SND1: variants seen among roughly 807,000 people sequenced by gnomAD.
SND1 encodes the protein staphylococcal nuclease domain-containing protein 1.
A neutral mutation model predicts 121.7 loss-of-function variants in SND1; 38 were observed. The ratio of observed to expected loss-of-function variants is 0.31; its 90% CI spans 0.24 to 0.41. The LOEUF (loss-of-function observed/expected upper bound fraction) is 0.41. Among genes scored for constraint, SND1 ranks in the 10% least tolerant of loss-of-function variants. The pLI is 1.00. For missense variants in SND1, 868 were observed against 1,184.6 expected (o/e 0.73, Z 3.92); for synonymous variants, 401 against 447.4 (o/e 0.90, Z 1.31).
At chr7:128,050,589 A>G (rs1184790381) in intron 16 of SND1, among the ~76,000 whole-genome samples, 2 of 152,192 alleles carry the variant, frequency 1.3e-5, no homozygotes, top group Non-Finnish European at 2.9e-5. Context: ...CAATTTTGCC[A>G]TTGGAGCAAT....
chr7:127,675,837 G>A (rs1306463705), intron 1 of SND1, among the ~76,000 whole-genome samples: 2 of 152,128 alleles, frequency 1.3e-5, no homozygotes, highest in East Asian at 1.9e-4. Context: ...TGCTATGTGC[G>A]GTTAGTTCTT....
rs77769547 is a variant in SND1, at chr7:127,929,139, G to A, written c.1528-49G>A. 7,862 of 1,593,466 alleles carry A rather than the reference G, an allele frequency of 4.9e-3. 38 individuals carry two copies. Among genetic ancestry groups the A allele is most frequent in the African/African-American group, 0.027 (1,969 of 74,188 alleles). On this transcript the variant is annotated intron_variant, in intron 14 of 23. Transcript: ENST00000354725. ...TGTCCTAGACTATAAAGAAAGAAACGTTGGGTTTTATTACTTTCCAGTTAC... is the reference window on the plus strand; with the variant it reads ...TGTCCTAGACTATAAAGAAAGAAACATTGGGTTTTATTACTTTCCAGTTAC...
At chr7:127,915,301 A>C (rs894894197) in intron 14 of SND1, among the ~76,000 whole-genome samples, 1 of 152,196 alleles carries the variant, frequency 6.6e-6, no homozygotes, top group African/African-American at 2.4e-5. Flanking sequence ...ATTGCTTAGC[A>C]GTCTGCCTAG....
chr7:128,072,999 G>A (rs946510213), intron 16 of SND1, among the ~76,000 whole-genome samples: 5 of 152,184 alleles, frequency 3.3e-5, no homozygotes, highest in African/African-American at 1.2e-4. Context: ...CAGCACTTAC[G>A]CCCAGACTCT....
chr7:127,777,071 C>G (rs1323699425), intron 10 of SND1, among the ~76,000 whole-genome samples: 1 of 152,182 alleles, frequency 6.6e-6, no homozygotes, highest in Admixed American at 6.5e-5. Flanking sequence ...CCTTTTCATC[C>G]TCAGTCACAA....
chr7:127,777,741 G>C (rs2116511968), intron 10 of SND1, among the ~76,000 whole-genome samples: 1 of 152,284 alleles, frequency 6.6e-6, no homozygotes, highest in East Asian at 1.9e-4. Context: ...GGGTCTCCCT[G>C]TTTGGACCAA....
At position 128,074,705 on chromosome 7, in the gene SND1, C is replaced by A. The variant is rs373677979; in HGVS notation, c.1968+15C>A. On this transcript the variant is annotated intron_variant, in intron 17 of 23. Transcript: ENST00000354725. ...AGAAAGAGAAGGTACATGTGGCAGC[C>A]CAGCTGTGCTCTCCCTGCCCTCCCG... 1.3e-6 allele frequency: 2 copies of A among 1,597,042 alleles called. No homozygotes were observed. The highest frequency in any genetic ancestry group is 1.7e-5 in the Admixed American group (1 of 58,178).
intron 16 of SND1, among the ~76,000 whole-genome samples, chr7:128,016,082 T>G (rs1310636501): frequency 6.6e-6 from 1 of 152,060 alleles, no homozygotes; most frequent in Non-Finnish European, 1.5e-5. Context: ...ATTTTAAGGC[T>G]TTTTCTCCCT....
chr7:127,790,295 A>T (rs1797884804), intron 10 of SND1, among the ~76,000 whole-genome samples: 1 of 151,892 alleles, frequency 6.6e-6, no homozygotes, highest in Admixed American at 6.6e-5. Context: ...TGTGTGGGGG[A>T]TGCTTAGGCT....
intron 21 of SND1, 151 bp downstream of exon 21, chr7:128,087,202 C>G: frequency 1.5e-6 from 1 of 649,122 alleles, no homozygotes; most frequent in South Asian, 1.9e-5. Context: ...AAGATGCCAC[C>G]GAGGAGGTAG....
intron 17 of SND1, among the ~76,000 whole-genome samples, chr7:128,075,583 C>T (rs1246201451): frequency 6.6e-6 from 1 of 152,252 alleles, no homozygotes; most frequent in Non-Finnish European, 1.5e-5. Flanking sequence ...CTCTTGTCCC[C>T]TTGGGACTGT....
At chr7:128,058,579 C>T (rs1793179980) in intron 16 of SND1, among the ~76,000 whole-genome samples, 1 of 152,208 alleles carries the variant, frequency 6.6e-6, no homozygotes, top group Admixed American at 6.5e-5. Flanking sequence ...GGACCAGGCA[C>T]AAAGCATTTT....
chr7:127,884,862 A>G (rs948909405), intron 12 of SND1, among the ~76,000 whole-genome samples: 2 of 152,056 alleles, frequency 1.3e-5, no homozygotes, highest in African/African-American at 4.8e-5. Flanking sequence ...CTTCCTTTCC[A>G]TATTTGTATA....
intron 12 of SND1, among the ~76,000 whole-genome samples, chr7:127,870,135 G>T (rs532724710): frequency 3.9e-5 from 6 of 152,108 alleles, no homozygotes; most frequent in Non-Finnish European, 8.8e-5. Context: ...CCTATAAAAT[G>T]AAGAAGAAAT....
intron 10 of SND1, among the ~76,000 whole-genome samples, chr7:127,797,189 G>C (rs944639525): frequency 6.6e-6 from 1 of 152,044 alleles, no homozygotes; most frequent in Non-Finnish European, 1.5e-5. Context: ...CGCTGTGCCC[G>C]GGCTATTTTG....
intron 12 of SND1, among the ~76,000 whole-genome samples, chr7:127,855,512 G>GTT (rs374350316): frequency 2.9e-4 from 44 of 151,442 alleles, no homozygotes; most frequent in South Asian, 6.3e-4. Flanking sequence ...AGTTTTTTTT[G>GTT]TTTTTTTGAT....
intron 11 of SND1, among the ~76,000 whole-genome samples, chr7:127,813,765 G>A (rs1195850845): frequency 3.3e-5 from 5 of 152,274 alleles, no homozygotes; most frequent in African/African-American, 4.8e-5. Context: ...GTTTCACCAT[G>A]TTGGCCAGGC....
intron 10 of SND1, among the ~76,000 whole-genome samples, chr7:127,730,004 C>T (rs994719311): frequency 6.6e-6 from 1 of 152,198 alleles, no homozygotes; most frequent in Non-Finnish European, 1.5e-5. Flanking sequence ...GCTCTTGTTG[C>T]CCAGGCTGTA....
At chr7:127,845,830 T>C (rs1302099184) in intron 12 of SND1, among the ~76,000 whole-genome samples, 1 of 152,246 alleles carries the variant, frequency 6.6e-6, no homozygotes, top group Non-Finnish European at 1.5e-5. Flanking sequence ...CTGAAGAATA[T>C]TTAAAAAATA....
Sources: allele counts gnomAD v4.1 joint callset (sites outside exome capture counted in the v4.1 genomes callset), GRCh38; gene constraint gnomAD v4.1.1; transcripts MANE v1.5; gene names NCBI Gene and HGNC (gene_info 2026-07-23, HGNC 2026-07-21).